The following FBXO11 variants were observed in gnomAD, a reference collection of about 807,000 sequenced individuals.
FBXO11 encodes F-box protein 11.
In FBXO11, 13 loss-of-function variants were observed where a neutral mutation model predicts 117.0. That is an observed-to-expected ratio of 0.11 (90% CI 0.07 to 0.18). The LOEUF (loss-of-function observed/expected upper bound fraction) is 0.18, where lower values mean the gene tolerates loss of function less well. Ranked by LOEUF, FBXO11 falls within the 10% of genes least tolerant of loss-of-function variation. The probability of loss-of-function intolerance (pLI) is 1.00; values close to 1 mark genes in which losing one functional copy is unlikely to be tolerated. For missense variants in FBXO11, 767 were observed against 1,164.4 expected (o/e 0.66, Z 4.97); for synonymous variants, 490 against 380.5 (o/e 1.29, Z -3.35).
chr2:47,830,422 T>C (rs543345643), intron 11 of FBXO11, among the ~76,000 whole-genome samples: 8 of 152,130 alleles, frequency 5.3e-5, no homozygotes, highest in Admixed American at 5.2e-4. Context: ...AACCTAGCCA[T>C]ACCAAGAATG....
At chr2:47,892,480 TCA>T (rs1677329367) in intron 1 of FBXO11, among the ~76,000 whole-genome samples, 1 of 152,204 alleles carries the variant, frequency 6.6e-6, no homozygotes, top group Non-Finnish European at 1.5e-5. Context: ...ATCTTCCAGC[TCA>T]GTTTTTCAAC....
At chr2:47,852,839 T>C (rs79853351) in intron 1 of FBXO11, among the ~76,000 whole-genome samples, 11,104 of 152,198 alleles carry the variant, frequency 0.073, 558 homozygotes, top group Non-Finnish European at 0.11. Flanking sequence ...CCTATGTTAT[T>C]GATGAGGAAA....
chr2:47,875,593 T>C (rs1479130934), intron 1 of FBXO11, among the ~76,000 whole-genome samples: 1 of 152,046 alleles, frequency 6.6e-6, no homozygotes, highest in African/African-American at 2.4e-5. Flanking sequence ...GCCAAGATTA[T>C]TAAGATCTCA....
At chr2:47,810,225 T>C (rs1194990700) in intron 19 of FBXO11, 91 bp downstream of exon 19, 31 of 808,138 alleles carry the variant, frequency 3.8e-5, no homozygotes, top group Non-Finnish European at 5.9e-5. Context: ...TTGCACATTT[T>C]AGTTAATAAG....
intron 11 of FBXO11, among the ~76,000 whole-genome samples, chr2:47,825,130 A>G (rs1243186101): frequency 1.3e-5 from 2 of 152,176 alleles, no homozygotes; most frequent in Non-Finnish European, 2.9e-5. Context: ...AAAAGGGGAT[A>G]TTCTGAATAC....
At chr2:47,849,309 T>C (rs1673664826) in intron 1 of FBXO11, among the ~76,000 whole-genome samples, 1 of 152,228 alleles carries the variant, frequency 6.6e-6, no homozygotes, top group South Asian at 2.1e-4. Context: ...TAAGCAAATG[T>C]TTCTGATTTT....
At chr2:47,813,192 G>T in intron 18 of FBXO11, 42 bp downstream of exon 18, 1 of 1,586,000 alleles carries the variant, frequency 6.3e-7, no homozygotes, top group Non-Finnish European at 8.7e-7. Context: ...GAAGAATAAT[G>T]GAAAACTGGA....
At chr2:47,829,607 A>G (rs1482117988) in intron 11 of FBXO11, among the ~76,000 whole-genome samples, 1 of 152,226 alleles carries the variant, frequency 6.6e-6, no homozygotes, top group Non-Finnish European at 1.5e-5. Context: ...TTAAACAAAC[A>G]AAAGACAATT....
At chr2:47,887,554 C>T (rs1676953784) in intron 1 of FBXO11, among the ~76,000 whole-genome samples, 1 of 151,880 alleles carries the variant, frequency 6.6e-6, no homozygotes, top group Non-Finnish European at 1.5e-5. Flanking sequence ...AAAACAAGAC[C>T]CTGTCTCTAC....
chr2:47,887,321 C>T (rs1277702516), intron 1 of FBXO11, among the ~76,000 whole-genome samples: 2 of 151,000 alleles, frequency 1.3e-5, no homozygotes, highest in African/African-American at 2.4e-5. Context: ...GGAGACAAGA[C>T]CCTATCTCGA....
At chr2:47,823,490 C>G (rs1325196097) in intron 11 of FBXO11, 130 bp from the exon 12 acceptor site, 1 of 733,088 alleles carries the variant, frequency 1.4e-6, no homozygotes, top group African/African-American at 1.8e-5. Flanking sequence ...CGTGGTGACT[C>G]ACGCCTGTTA....
At chr2:47,869,330 T>C (rs1051631391) in intron 1 of FBXO11, among the ~76,000 whole-genome samples, 1 of 152,234 alleles carries the variant, frequency 6.6e-6, no homozygotes, top group Non-Finnish European at 1.5e-5. Context: ...CTGGCCATTT[T>C]GGACTCCTTA....
At chr2:47,880,673 A>G (rs1676366007) in intron 1 of FBXO11, among the ~76,000 whole-genome samples, 1 of 152,188 alleles carries the variant, frequency 6.6e-6, no homozygotes, top group Non-Finnish European at 1.5e-5. Context: ...ACATATTGCT[A>G]TTCACAACTA....
intron 1 of FBXO11, among the ~76,000 whole-genome samples, chr2:47,875,424 T>G (rs528043950): frequency 5.3e-5 from 8 of 152,100 alleles, no homozygotes; most frequent in South Asian, 2.1e-4. Flanking sequence ...AGCAATGCAG[T>G]GAGAAAACTG....
intron 1 of FBXO11, among the ~76,000 whole-genome samples, chr2:47,903,778 A>C (rs113378184): frequency 0.019 from 2,821 of 152,356 alleles, 36 homozygotes; most frequent in South Asian, 0.039. Context: ...TTGTTTTCTC[A>C]AACATATTTG....
chr2:47,857,244 G>C (rs927753296), intron 1 of FBXO11, among the ~76,000 whole-genome samples: 1 of 152,000 alleles, frequency 6.6e-6, no homozygotes, highest in African/African-American at 2.4e-5. Flanking sequence ...CATTTGTTTG[G>C]AGAGAAAAGA....
At chr2:47,809,130 T>A (rs748110588) in intron 21 of FBXO11, 28 bp downstream of exon 21, 1 of 1,376,292 alleles carries the variant, frequency 7.3e-7, no homozygotes, top group African/African-American at 1.5e-5. Flanking sequence ...CTTCCTCTTT[T>A]CAGGACTCAA....
In FBXO11 at chr2:47,813,884, C is replaced by T; in HGVS notation, c.2007-17G>A. 6.3e-7 allele frequency: 1 copy of T among 1,577,564 alleles called. No individual in the cohort carries two copies. ...CTTCCAGTCCTGTAAACAGAATAGA[C>T]AATAATACCATTTCAATAGCTTCTA... On this transcript the variant is annotated splice_polypyrimidine_tract_variant and intron_variant, in intron 16 of 22. Coordinates refer to ENST00000403359, the MANE Select transcript of FBXO11 (RefSeq NM_001190274.2).
intron 1 of FBXO11, among the ~76,000 whole-genome samples, chr2:47,898,281 T>A (rs1212003808): frequency 1.3e-5 from 2 of 152,234 alleles, no homozygotes; most frequent in African/African-American, 4.8e-5. Flanking sequence ...GTTGGTTTCA[T>A]TTCTCTATTT....
Sources: gnomAD v4.1 joint callset for allele counts (sites outside exome capture counted in the v4.1 genomes callset) on GRCh38, gnomAD v4.1.1 for gene constraint, MANE v1.5 for transcripts, NCBI Gene and HGNC (gene_info 2026-07-23, HGNC 2026-07-21) for gene names.